ERGIC1: variants seen among roughly 807,000 people sequenced by gnomAD.
ERGIC1 encodes endoplasmic reticulum-Golgi intermediate compartment protein 1.
In ERGIC1, 19 loss-of-function variants were observed where a neutral mutation model predicts 38.3. The ratio of observed to expected loss-of-function variants is 0.50; its 90% CI spans 0.35 to 0.73. The LOEUF (loss-of-function observed/expected upper bound fraction) is 0.73, where lower values mean the gene tolerates loss of function less well. Among genes scored for constraint, ERGIC1 ranks in the 30% least tolerant of loss-of-function variants. The probability of loss-of-function intolerance (pLI) is 0.01; values close to 1 mark genes in which losing one functional copy is unlikely to be tolerated. For synonymous variants in ERGIC1, 124 were observed against 157.6 expected (o/e 0.79, Z 1.60); for missense variants, 294 against 389.2 (o/e 0.76, Z 2.06).
chr5:172,933,585 T>G (rs1763825701), intron 8 of ERGIC1: 1 of 152,236 alleles, frequency 6.6e-6, no homozygotes, highest in South Asian at 2.1e-4. Context: ...ACCTGCGAGC[T>G]GCTCTCTGTC....
rs544829534 is a variant in ERGIC1, at chr5:172,857,262, C to T, written c.20+22829C>T. The stretch of plus-strand genomic sequence containing the variant: ...GAGGATGAAATGAATGGGGCTGAGA[C>T]GCTTGGCATTGGACGTAGCTGAGGT... On this transcript the variant is annotated intron_variant, in intron 1 of 9. Coordinates refer to ENST00000393784, the MANE Select transcript of ERGIC1 (RefSeq NM_001031711.3). Among the ~76,000 whole-genome samples, 26 of 152,294 alleles carry T rather than the reference C, an allele frequency of 1.7e-4. No individual in the cohort carries two copies. In the South Asian group the frequency reaches 3.9e-3, roughly 23 times the overall value.
At chr5:172,851,656 G>A (rs985796899) in intron 1 of ERGIC1, among the ~76,000 whole-genome samples, 5 of 152,184 alleles carry the variant, frequency 3.3e-5, no homozygotes, top group Non-Finnish European at 7.3e-5. Context: ...GGCCTAGACA[G>A]GGAGGTGGGG....
intron 5 of ERGIC1, chr5:172,915,632 G>C: frequency 2.1e-6 from 1 of 471,154 alleles, no homozygotes; most frequent in South Asian, 1.5e-5. Flanking sequence ...CTTCCTCGAA[G>C]CTCGGTACTG....
At chr5:172,942,599 G>A (rs891456809) in intron 9 of ERGIC1, among the ~76,000 whole-genome samples, 3 of 152,204 alleles carry the variant, frequency 2.0e-5, no homozygotes, top group Admixed American at 6.5e-5. Context: ...CCCATATTAG[G>A]AGCTTGGTGA....
intron 9 of ERGIC1, among the ~76,000 whole-genome samples, chr5:172,939,627 CGTGGGCTGGCAAAGCCCTGGGCTT>C (rs1763965564): frequency 1.3e-5 from 2 of 152,256 alleles, no homozygotes; most frequent in African/African-American, 4.8e-5. Context: ...TCTGCTCAAG[CGTGGGCTGGCAAAGCCCTGGGCTT>C]GTGGGCCACA....
chr5:172,867,036 A>T, intron 1 of ERGIC1: 1 of 392,212 alleles, frequency 2.5e-6, no homozygotes, highest in Non-Finnish European at 5.2e-6. Context: ...GCAGATGGAG[A>T]TGATGCAGAT....
At chr5:172,849,225 C>G (rs767275792) in intron 1 of ERGIC1, among the ~76,000 whole-genome samples, 2 of 152,154 alleles carry the variant, frequency 1.3e-5, no homozygotes, top group Admixed American at 6.5e-5. Context: ...GATCACCTAA[C>G]CCTGGAAATC....
At chr5:172,940,751 G>A (rs1204443122) in intron 9 of ERGIC1, among the ~76,000 whole-genome samples, 1 of 152,162 alleles carries the variant, frequency 6.6e-6, no homozygotes, top group African/African-American at 2.4e-5. Context: ...GCTTAACCTG[G>A]GTATGAGGGA....
chr5:172,910,274 G>A (rs530955584), intron 4 of ERGIC1, among the ~76,000 whole-genome samples: 13 of 152,226 alleles, frequency 8.5e-5, no homozygotes, highest in Non-Finnish European at 1.6e-4. Flanking sequence ...AGTGGTGTGC[G>A]TGGCAGGGGT....
intron 1 of ERGIC1, among the ~76,000 whole-genome samples, chr5:172,856,469 G>C: frequency 6.6e-6 from 1 of 152,200 alleles, no homozygotes; most frequent in Admixed American, 6.5e-5. Context: ...AGTGAAGTCA[G>C]TAGAGGTGAA....
chr5:172,872,027 A>G (rs773060946), intron 1 of ERGIC1, among the ~76,000 whole-genome samples: 9 of 152,100 alleles, frequency 5.9e-5, no homozygotes, highest in Admixed American at 1.3e-4. Flanking sequence ...CTTGCTTTCT[A>G]AAGTGCACAG....
At chr5:172,899,566 C>G (rs1442244302) in intron 3 of ERGIC1, among the ~76,000 whole-genome samples, 1 of 152,052 alleles carries the variant, frequency 6.6e-6, no homozygotes, top group African/African-American at 2.4e-5. Context: ...ATCCACCCGC[C>G]TCAGCCTGTA....
intron 2 of ERGIC1, among the ~76,000 whole-genome samples, chr5:172,894,507 T>C (rs945051070): frequency 2.6e-5 from 4 of 152,052 alleles, no homozygotes; most frequent in Non-Finnish European, 5.9e-5. Context: ...TTTTTCAAAG[T>C]TTGGGAGAAA....
At chr5:172,877,440 G>GTGTGTA (rs1491234878) in intron 1 of ERGIC1, among the ~76,000 whole-genome samples, 8 of 67,390 alleles carry the variant, frequency 1.2e-4, no homozygotes, top group African/African-American at 4.5e-4. Context: ...GTGTGTGTGT[G>GTGTGTA]TATATATATA....
intron 2 of ERGIC1, among the ~76,000 whole-genome samples, chr5:172,890,320 C>G (rs1036653473): frequency 6.6e-6 from 1 of 152,198 alleles, no homozygotes; most frequent in Non-Finnish European, 1.5e-5. Context: ...GACCGAGGAA[C>G]TGTCACTGAT....
chr5:172,913,654 G>T (rs1392796954), intron 4 of ERGIC1, among the ~76,000 whole-genome samples: 2 of 152,122 alleles, frequency 1.3e-5, no homozygotes, highest in Non-Finnish European at 2.9e-5. Context: ...TCCTGCCAGG[G>T]AAATTCCTAC....
At chr5:172,928,741 G>A (rs1024400085) in intron 7 of ERGIC1, among the ~76,000 whole-genome samples, 3 of 151,992 alleles carry the variant, frequency 2.0e-5, no homozygotes, top group African/African-American at 4.8e-5. Context: ...GGTGGAGTGC[G>A]GTCATGAGGA....
chr5:172,923,072 TAGGAGG>T (rs1222194207), intron 5 of ERGIC1, among the ~76,000 whole-genome samples: 6 of 149,072 alleles, frequency 4.0e-5, no homozygotes, highest in Middle Eastern at 3.5e-3. Flanking sequence ...TCTGAGCATC[TAGGAGG>T]AGGAGGAGGA....
chr5:172,924,207 AC>A (rs1763598717), intron 6 of ERGIC1, 98 bp downstream of exon 6: 1 of 1,171,040 alleles, frequency 8.5e-7, no homozygotes, highest in Admixed American at 2.0e-5. Context: ...AGGAAGAGTT[AC>A]CGTTAAGGTG....
Sources: allele counts gnomAD v4.1 joint callset (sites outside exome capture counted in the v4.1 genomes callset), GRCh38; gene constraint gnomAD v4.1.1; transcripts MANE v1.5; gene names NCBI Gene and HGNC (gene_info 2026-07-23, HGNC 2026-07-21).